Variants in SPNS3 observed in about 807,000 individuals in gnomAD.
SPNS3 encodes the protein SPNS lysolipid transporter 3, sphingosine-1-phosphate (putative).
SPNS3 carries 51 observed loss-of-function variants against 54.4 expected under a neutral mutation model. The observed-to-expected ratio is 0.94, with a 90% confidence interval of 0.75 to 1.18. The LOEUF (loss-of-function observed/expected upper bound fraction) is 1.18. SPNS3 is among the 50% of genes most tolerant of loss of function. SPNS3 has a pLI of 0.00. For missense variants in SPNS3, 669 were observed against 677.4 expected (o/e 0.99, Z 0.14); for synonymous variants, 309 against 294.7 (o/e 1.05, Z -0.50).
At chr17:4,478,546 TC>T in intron 8 of SPNS3, 25 bp from the exon 9 acceptor site, 1 of 1,556,684 alleles carries the variant, frequency 6.4e-7, no homozygotes, top group Non-Finnish European at 8.7e-7. Context: ...CTGGGAATCC[TC>T]ACCCAGGCCA....
intron 8 of SPNS3, among the ~76,000 whole-genome samples, chr17:4,455,256 G>A (rs1290838630): frequency 1.3e-5 from 2 of 152,224 alleles, no homozygotes; most frequent in Non-Finnish European, 2.9e-5. Context: ...GCCTTGGGAA[G>A]AGGCAGGGCT....
intron 5 of SPNS3, 45 bp downstream of exon 5, chr17:4,447,007 G>A (rs988883256): frequency 5.0e-6 from 8 of 1,605,666 alleles, no homozygotes; most frequent in Admixed American, 1.7e-5. Flanking sequence ...CCTCTGGACC[G>A]GCAGGGACTT....
chr17:4,444,502 C>T (rs1167982283), intron 2 of SPNS3, among the ~76,000 whole-genome samples: 4 of 152,046 alleles, frequency 2.6e-5, no homozygotes, highest in Non-Finnish European at 4.4e-5. Context: ...GGATTACAGG[C>T]GTGAGCCACC....
intron 8 of SPNS3, among the ~76,000 whole-genome samples, chr17:4,455,917 T>TGGGGGG (rs10531598): frequency 6.6e-6 from 1 of 150,748 alleles, no homozygotes; most frequent in African/African-American, 2.5e-5. Context: ...CTGCCCTCTG[T>TGGGGGG]GGGGGGGGGG....
Position 4,449,293 on chromosome 17 carries a change from C to G in SPNS3, c.829C>G (p.Leu277Val). 1 of 1,612,704 alleles carries G rather than the reference C, an allele frequency of 6.2e-7. No homozygotes were observed. The highest frequency in any genetic ancestry group is 1.1e-5 in the South Asian group (1 of 91,078). The stretch of plus-strand genomic sequence containing the variant: ...CGCCATGGCCTTTGTGACTGGAGCC[C>G]TGGGGTTCTGGGCCCCCAAGTTTCT... Reference protein sequence around the residue: ...VTAMAFVTGALGFWAPKFLLE... With the variant: ...VTAMAFVTGAVGFWAPKFLLE... Residue 277 changes from leucine to valine, a missense_variant, in exon 7 of 12, where the codon CTG (leucine) becomes GTG (valine). Transcript: ENST00000355530.
intron 5 of SPNS3, among the ~76,000 whole-genome samples, chr17:4,447,381 T>C (rs1971027192): frequency 6.6e-6 from 1 of 152,184 alleles, no homozygotes; most frequent in Non-Finnish European, 1.5e-5. Flanking sequence ...AGCAGAATGC[T>C]CAAGAAGATG....
chr17:4,468,838 G>C (rs1173906638), intron 8 of SPNS3, among the ~76,000 whole-genome samples: 1 of 148,500 alleles, frequency 6.7e-6, no homozygotes, highest in Non-Finnish European at 1.5e-5. Context: ...ACCGAGGCTG[G>C]AGGGCAATGG....
At chr17:4,444,920 C>A in intron 2 of SPNS3, 112 bp from the exon 3 acceptor site, 1 of 1,336,718 alleles carries the variant, frequency 7.5e-7, no homozygotes, top group Non-Finnish European at 1.0e-6. Context: ...GGGCCCACTG[C>A]CAAGATGCCA....
chr17:4,471,767 G>A (rs1019521506), intron 8 of SPNS3, among the ~76,000 whole-genome samples: 5 of 151,802 alleles, frequency 3.3e-5, no homozygotes, highest in African/African-American at 1.2e-4. Context: ...TGCCCGGTCT[G>A]AATTAATATT....
intron 8 of SPNS3, among the ~76,000 whole-genome samples, chr17:4,458,417 T>C (rs1567563524): frequency 6.9e-6 from 1 of 145,606 alleles, no homozygotes; most frequent in Non-Finnish European, 1.5e-5. Flanking sequence ...CATTTTCTTT[T>C]TCTTCTTTCT....
At chr17:4,478,752 C>G in intron 9 of SPNS3, 115 bp downstream of exon 9, 7 of 969,036 alleles carry the variant, frequency 7.2e-6, no homozygotes, top group Non-Finnish European at 1.1e-5. Flanking sequence ...ATTAGGGGAC[C>G]AAAGCCATTC....
chr17:4,447,137 T>C (rs2144031951), intron 5 of SPNS3, among the ~76,000 whole-genome samples, 175 bp downstream of exon 5: 1 of 152,182 alleles, frequency 6.6e-6, no homozygotes. Flanking sequence ...GCATGGGGTG[T>C]GGAAGTGGTG....
At chr17:4,458,588 CCTTTCTTTCTTTCTTTCTTTCTTTCTTT>C (rs1188233610) in intron 8 of SPNS3, among the ~76,000 whole-genome samples, 3 of 59,256 alleles carry the variant, frequency 5.1e-5, no homozygotes, top group Non-Finnish European at 1.1e-4. Context: ...TTCCTTCCCT[CCTTTCTTTCTTTCTTTCTTTCTTTCTTT>C]CTTTCTTTCT....
chr17:4,479,548 A>G (rs758576082), intron 9 of SPNS3, among the ~76,000 whole-genome samples: 1 of 152,222 alleles, frequency 6.6e-6, no homozygotes, highest in African/African-American at 2.4e-5. Flanking sequence ...CTTTGAACAC[A>G]TGAAGGGCTG....
chr17:4,447,105 G>A, intron 5 of SPNS3, 143 bp downstream of exon 5: 1 of 814,462 alleles, frequency 1.2e-6, no homozygotes, highest in Non-Finnish European at 2.0e-6. Context: ...GGCAGCTTTG[G>A]ACATGTGGGG....
rs1970981375 is a variant in SPNS3 at position 4,446,147 on chromosome 17, G to T, written c.502G>T (p.Asp168Tyr). The change falls in exon 4 of 12, where the codon GAC becomes TAC. Residue 168 changes from aspartate to tyrosine, a missense_variant. Physicochemically the swap from Asp to Tyr is radical, Grantham distance 160 (BLOSUM62 -3). Transcript: ENST00000355530. ...PTVLGDLFVR[D>Y]QRTRVLAVFY... ...CGTCCTGGGCGACCTCTTCGTGAGGGACCAGCGCACCCGCGTGCTGGCTGT... is the reference window on the plus strand; with the variant it reads ...CGTCCTGGGCGACCTCTTCGTGAGGTACCAGCGCACCCGCGTGCTGGCTGT... The T allele has an allele frequency of 1.9e-6, 3 of 1,613,612 alleles. No individual in the cohort carries two copies.
chr17:4,450,376 C>G (rs1210125692), intron 7 of SPNS3, among the ~76,000 whole-genome samples: 1 of 107,480 alleles, frequency 9.3e-6, no homozygotes, highest in Non-Finnish European at 1.9e-5. Flanking sequence ...TCTCCCTACC[C>G]CTCCCTCCCT....
At position 4,439,790 on chromosome 17, in the gene SPNS3, G is replaced by T. The variant is rs557909399; in HGVS notation, c.265+67G>T. The T allele has an allele frequency of 7.1e-5, 103 of 1,440,626 alleles. No individual in the cohort carries two copies. In the East Asian group the frequency reaches 2.3e-3, roughly 32 times the overall value. 89.2% of individuals were successfully genotyped at this position (1,440,626 alleles called of 1,614,324 possible). ...ATGCTGGGGTGGGCTCTTTCTGTGG[G>T]TCATGTTCTGTGCCCAGCTCCAGCC... On this transcript the variant is annotated intron_variant, in intron 2 of 11. Coordinates refer to ENST00000355530, the MANE Select transcript of SPNS3 (RefSeq NM_182538.5).
At position 4,486,421 on chromosome 17, in the gene SPNS3, G is replaced by A. The variant is rs1308976887; in HGVS notation, c.1288G>A (p.Val430Ile). Residue 430 changes from valine (V) to isoleucine (I), a missense_variant, in exon 11 of 12, where the codon GTC (valine) becomes ATC (isoleucine). Coordinates refer to ENST00000355530, the MANE Select transcript of SPNS3 (RefSeq NM_182538.5). This position sits in a 1 kb window ranked among gnomAD's most constrained non-coding sequence, Gnocchi z 5.5. ...SPYLTGLISS[V>I]LRARRPDSYL... is the part of the protein sequence containing the mutation. The stretch of plus-strand genomic sequence containing the variant: ...CCCTTCTCCTCCGCAGATCTCTAGT[G>A]TCCTGCGGGCCAGGCGCCCTGACTC... 2 of 1,608,370 alleles carry A rather than the reference G, an allele frequency of 1.2e-6. No individual in the cohort carries two copies. The highest frequency in any genetic ancestry group is 8.5e-7 in the Non-Finnish European group (1 of 1,176,590).
Sources: gnomAD v4.1 joint callset for allele counts (sites outside exome capture counted in the v4.1 genomes callset) on GRCh38, gnomAD v4.1.1 for gene constraint, Gnocchi (gnomAD v3.1) non-coding constraint, MANE v1.5 for transcripts, NCBI Gene and HGNC (gene_info 2026-07-23, HGNC 2026-07-21) for gene names.